The following ETV6 variants were observed in gnomAD, a reference collection of about 807,000 sequenced individuals.
ETV6 encodes ETS variant transcription factor 6.
In ETV6, 16 loss-of-function variants were observed where a neutral mutation model predicts 51.1. The observed-to-expected ratio is 0.31, with a 90% confidence interval of 0.21 to 0.48. ETV6 has a LOEUF of 0.48. ETV6 is among the 20% of genes least tolerant of loss of function. The pLI is 0.99. For missense variants in ETV6, 458 were observed against 594.8 expected, an observed-to-expected ratio of 0.77 and a Z score of 2.39; for synonymous variants, 240 against 224.1, an observed-to-expected ratio of 1.07 and a Z score of -0.64.
intron 2 of ETV6, among the ~76,000 whole-genome samples, chr12:11,781,913 A>C (rs1360624903): frequency 6.6e-6 from 1 of 152,234 alleles, no homozygotes; most frequent in Non-Finnish European, 1.5e-5. Flanking sequence ...TCCCTGTGGC[A>C]TACCGCTAGA....
chr12:11,722,202 T>G (rs546210227), intron 1 of ETV6, among the ~76,000 whole-genome samples: 1 of 152,332 alleles, frequency 6.6e-6, no homozygotes, highest in East Asian at 1.9e-4. Context: ...CAAGTCTTTA[T>G]CAGAACTGCT....
At chr12:11,755,254 G>A (rs1331930029) in intron 2 of ETV6, among the ~76,000 whole-genome samples, 4 of 152,200 alleles carry the variant, frequency 2.6e-5, no homozygotes, top group Admixed American at 1.3e-4. Flanking sequence ...GGGTCCCCAC[G>A]TAGACAGCTA....
intron 5 of ETV6, among the ~76,000 whole-genome samples, chr12:11,881,909 T>G (rs531127335): frequency 6.6e-6 from 1 of 152,356 alleles, no homozygotes; most frequent in African/African-American, 2.4e-5. Flanking sequence ...TCAAGGTACT[T>G]AAGATGCTTG....
intron 2 of ETV6, among the ~76,000 whole-genome samples, chr12:11,805,398 A>G (rs190097673): frequency 6.6e-6 from 1 of 151,858 alleles, no homozygotes; most frequent in East Asian, 1.9e-4. Flanking sequence ...TTATTCCTCT[A>G]TCTGGTTTAG....
At chr12:11,856,637 G>A (rs1282638801) in intron 4 of ETV6, among the ~76,000 whole-genome samples, 1 of 152,054 alleles carries the variant, frequency 6.6e-6, no homozygotes, top group Non-Finnish European at 1.5e-5. Flanking sequence ...AGAGGTGCAT[G>A]GATCAGTACA....
chr12:11,803,096 T>C (rs1289256881), intron 2 of ETV6, among the ~76,000 whole-genome samples: 1 of 152,238 alleles, frequency 6.6e-6, no homozygotes, highest in Non-Finnish European at 1.5e-5. Flanking sequence ...CTTTCTAAAA[T>C]GACTGGATTT....
chr12:11,782,760 T>C (rs1404129360), intron 2 of ETV6, among the ~76,000 whole-genome samples: 3 of 152,238 alleles, frequency 2.0e-5, no homozygotes, highest in African/African-American at 7.2e-5. Flanking sequence ...CTATAACACC[T>C]TGGTTTGTAT....
intron 1 of ETV6, among the ~76,000 whole-genome samples, chr12:11,682,345 G>T (rs968693152): frequency 3.3e-5 from 5 of 152,192 alleles, no homozygotes; most frequent in Middle Eastern, 3.4e-3. Flanking sequence ...TCGTATGTTT[G>T]TTGACCGCAT....
chr12:11,717,486 C>T (rs563071292), intron 1 of ETV6, among the ~76,000 whole-genome samples: 1 of 152,184 alleles, frequency 6.6e-6, no homozygotes, highest in African/African-American at 2.4e-5. Flanking sequence ...TTTTTGGCAA[C>T]TGCTTTTCCC....
chr12:11,725,380 AC>A (rs1865469408), intron 1 of ETV6, among the ~76,000 whole-genome samples: 1 of 152,096 alleles, frequency 6.6e-6, no homozygotes, highest in African/African-American at 2.4e-5. Context: ...ATAAATTTTG[AC>A]CTATTTTGTA....
At chr12:11,688,205 C>T (rs1006420773) in intron 1 of ETV6, among the ~76,000 whole-genome samples, 5 of 152,002 alleles carry the variant, frequency 3.3e-5, no homozygotes, top group Admixed American at 6.6e-5. Flanking sequence ...CAAAGGAAGC[C>T]GACCACCTCA....
At chr12:11,739,911 C>T (rs1209919442) in intron 1 of ETV6, among the ~76,000 whole-genome samples, 1 of 152,184 alleles carries the variant, frequency 6.6e-6, no homozygotes, top group African/African-American at 2.4e-5. Context: ...AGTTGCTGGA[C>T]TTCAAAAGTT....
rs1485593292 is a variant in ETV6, at chr12:11,894,005, T to C, written c.*2959T>C. 4.4e-6 allele frequency: 1 copy of C among 225,026 alleles called. No individual in the cohort carries two copies. The highest frequency in any genetic ancestry group is 2.2e-5 in the African/African-American group (1 of 44,816). 13.9% of individuals were successfully genotyped at this position (225,026 alleles called of 1,614,324 possible). On this transcript the variant is annotated 3_prime_UTR_variant, in exon 8 of 8. Transcript: ENST00000396373. ...CCTAACTGCAAATGTCCTCTTCATT[T>C]GTTCTTTATGAGAAAACCCGGGTAG...
intron 1 of ETV6, among the ~76,000 whole-genome samples, chr12:11,685,075 T>C (rs774996968): frequency 6.6e-6 from 1 of 152,092 alleles, no homozygotes; most frequent in Non-Finnish European, 1.5e-5. Flanking sequence ...CAGGGGACAG[T>C]GTCCTAAGTG....
At chr12:11,663,771 G>A (rs10845403) in intron 1 of ETV6, among the ~76,000 whole-genome samples, 152 of 135,996 alleles carry the variant, frequency 1.1e-3, no homozygotes, top group African/African-American at 3.2e-3. Context: ...GTGTGTGTGT[G>A]TATGTGTGTG....
rs200317530 is a variant in ETV6, at chr12:11,835,361, C to CT, written c.164-3772dup. Among the ~76,000 whole-genome samples the CT allele has an allele frequency of 3.5e-3, 536 of 152,314 alleles. 3 individuals are homozygous for CT. Among genetic ancestry groups the CT allele is most frequent in the African/African-American group, 0.012 (519 of 41,566 alleles). On this transcript the variant is annotated intron_variant, in intron 2 of 7. Coordinates refer to ENST00000396373, the MANE Select transcript of ETV6 (RefSeq NM_001987.5). ...GAGTAATGGTCTCTCTCCTTCTCTC[C>CT]TTTTTTTCCTTTTCCTAATGATCAT...
At chr12:11,720,703 C>T (rs1260577405) in intron 1 of ETV6, among the ~76,000 whole-genome samples, 2 of 152,090 alleles carry the variant, frequency 1.3e-5, no homozygotes, top group East Asian at 1.9e-4. Flanking sequence ...AAAGCAATTG[C>T]AACAAAAACA....
rs367594605 is a variant in ETV6 at position 11,650,481 on chromosome 12, T to TAAAAAAAAAAAAAAAAAAA, written c.33+335_33+336insAAAAAAAAAAAAAAAAAAA. On this transcript the variant is annotated intron_variant, in intron 1 of 7. Coordinates refer to ENST00000396373, the MANE Select transcript of ETV6 (RefSeq NM_001987.5). Reference sequence around the variant, plus strand: ...AAAACACCCCCGTAATTAGTGCGCTTAAAAAAAAAAAAAACAAAAAACAAA... The same window carrying TAAAAAAAAAAAAAAAAAAA: ...AAAACACCCCCGTAATTAGTGCGCTTAAAAAAAAAAAAAAAAAAAAAAAAAAAAAAAAACAAAAAACAAA... Among the ~76,000 whole-genome samples, 15 of 43,326 alleles carry TAAAAAAAAAAAAAAAAAAA rather than the reference T, an allele frequency of 3.5e-4. 1 individual carries two copies. Among genetic ancestry groups the TAAAAAAAAAAAAAAAAAAA allele is most frequent in the African/African-American group, 4.2e-4 (5 of 11,782 alleles). 28.4% of individuals were successfully genotyped at this position (43,326 alleles called of 152,430 possible).
At chr12:11,714,736 G>T (rs530493826) in intron 1 of ETV6, among the ~76,000 whole-genome samples, 1 of 151,340 alleles carries the variant, frequency 6.6e-6, no homozygotes, top group South Asian at 2.1e-4. Context: ...TACAGTAAGT[G>T]ACTGTTTCAG....
Sources: allele counts gnomAD v4.1 joint callset (sites outside exome capture counted in the v4.1 genomes callset), GRCh38; gene constraint gnomAD v4.1.1; transcripts MANE v1.5; gene names NCBI Gene and HGNC (gene_info 2026-07-23, HGNC 2026-07-21).